Variants in VTI1A observed in about 807,000 individuals in gnomAD.
VTI1A encodes vesicle transport through interaction with t-SNAREs homolog 1A.
VTI1A carries 22 observed loss-of-function variants against 34.9 expected under a neutral mutation model. The observed-to-expected ratio is 0.63, with a 90% CI of 0.45 to 0.90. The LOEUF (loss-of-function observed/expected upper bound fraction) is 0.90, where lower values mean the gene tolerates loss of function less well. VTI1A is among the 40% of genes least tolerant of loss of function. The pLI is 0.00. For synonymous variants in VTI1A, 87 were observed against 97.3 expected, an observed-to-expected ratio of 0.89 and a Z score of 0.62; for missense variants, 268 against 275.6, an observed-to-expected ratio of 0.97 and a Z score of 0.20.
intron 3 of VTI1A, among the ~76,000 whole-genome samples, chr10:112,492,848 C>G (rs190747010): frequency 5.1e-4 from 77 of 151,154 alleles, no homozygotes; most frequent in African/African-American, 1.7e-3. Context: ...TATAAATATA[C>G]AATTCAGTGA....
At chr10:112,804,676 C>T (rs916346332) in intron 7 of VTI1A, among the ~76,000 whole-genome samples, 1 of 152,018 alleles carries the variant, frequency 6.6e-6, no homozygotes, top group Non-Finnish European at 1.5e-5. Context: ...AGGCTTCTGT[C>T]ATTCATTGAT....
intron 5 of VTI1A, among the ~76,000 whole-genome samples, chr10:112,555,917 T>C (rs1014291450): frequency 6.6e-6 from 1 of 152,050 alleles, no homozygotes; most frequent in African/African-American, 2.4e-5. Context: ...AGATTCATAC[T>C]ATACAGAAAA....
chr10:112,814,545 G>A (rs1421842080), intron 7 of VTI1A, among the ~76,000 whole-genome samples: 3 of 152,074 alleles, frequency 2.0e-5, no homozygotes, highest in Non-Finnish European at 4.4e-5. Flanking sequence ...CTCCACTCTG[G>A]TCCCCCTTCT....
chr10:112,466,672 T>C (rs531232468), intron 3 of VTI1A, among the ~76,000 whole-genome samples: 25 of 152,308 alleles, frequency 1.6e-4, no homozygotes, highest in Admixed American at 1.4e-3. Flanking sequence ...ATAAAGATTG[T>C]TTTAGCTTGC....
At chr10:112,787,704 T>G (rs1219912762) in intron 7 of VTI1A, among the ~76,000 whole-genome samples, 2 of 136,090 alleles carry the variant, frequency 1.5e-5, no homozygotes, top group Non-Finnish European at 3.3e-5. Context: ...TTTTCTTTTT[T>G]TTTTTTTTTT....
intron 7 of VTI1A, among the ~76,000 whole-genome samples, chr10:112,688,793 C>T (rs1372064545): frequency 6.6e-6 from 1 of 152,118 alleles, no homozygotes; most frequent in African/African-American, 2.4e-5. Flanking sequence ...CCCACCTCAG[C>T]CTCCCAAAGT....
intron 5 of VTI1A, among the ~76,000 whole-genome samples, chr10:112,547,935 C>A (rs915524594): frequency 5.3e-5 from 8 of 151,544 alleles, no homozygotes; most frequent in Non-Finnish European, 8.8e-5. Context: ...TACTTTTTTT[C>A]TTTTTTCTCT....
the VTI1A span, among the ~76,000 whole-genome samples, chr10:112,828,645 T>C: frequency 6.6e-6 from 1 of 151,916 alleles, no homozygotes; most frequent in African/African-American, 2.4e-5. Flanking sequence ...GACCTCATGA[T>C]CAACCCGCCT....
intron 7 of VTI1A, among the ~76,000 whole-genome samples, chr10:112,764,332 G>A (rs1455172229): frequency 6.6e-6 from 1 of 152,180 alleles, no homozygotes; most frequent in East Asian, 1.9e-4. Context: ...TGGAAATGGA[G>A]GAGACTTGCG....
intron 3 of VTI1A, among the ~76,000 whole-genome samples, chr10:112,514,773 CA>C (rs1330893687): frequency 3.3e-5 from 5 of 151,940 alleles, no homozygotes; most frequent in Non-Finnish European, 7.4e-5. Context: ...TACTATTTAA[CA>C]AAATGTAGCG....
chr10:112,587,304 AGT>A (rs1177027500), intron 5 of VTI1A, among the ~76,000 whole-genome samples: 1 of 152,170 alleles, frequency 6.6e-6, no homozygotes, highest in Non-Finnish European at 1.5e-5. Flanking sequence ...CTACTGTTGC[AGT>A]AGTTAGTCAC....
intron 5 of VTI1A, among the ~76,000 whole-genome samples, chr10:112,583,162 G>A (rs528898981): frequency 4.6e-5 from 7 of 152,296 alleles, no homozygotes; most frequent in South Asian, 4.1e-4. Flanking sequence ...AGCTCAACTC[G>A]TACTTTCATG....
intron 7 of VTI1A, among the ~76,000 whole-genome samples, chr10:112,788,716 T>C (rs1436756604): frequency 6.6e-6 from 1 of 152,204 alleles, no homozygotes; most frequent in African/African-American, 2.4e-5. Flanking sequence ...CTATTTGTTT[T>C]CTATATTCCT....
intron 5 of VTI1A, among the ~76,000 whole-genome samples, chr10:112,651,889 A>G (rs1390345371): frequency 6.6e-6 from 1 of 152,192 alleles, no homozygotes; most frequent in Non-Finnish European, 1.5e-5. Context: ...AAAGGCTACT[A>G]CTTGGTATAT....
At chr10:112,556,801 G>T (rs776958285) in intron 5 of VTI1A, among the ~76,000 whole-genome samples, 4 of 151,912 alleles carry the variant, frequency 2.6e-5, no homozygotes, top group South Asian at 2.1e-4. Flanking sequence ...AGACCAAAAG[G>T]CCTGTAGAAA....
intron 7 of VTI1A, among the ~76,000 whole-genome samples, chr10:112,786,792 G>C (rs1400653703): frequency 6.6e-6 from 1 of 152,138 alleles, no homozygotes; most frequent in African/African-American, 2.4e-5. Context: ...GTCCCACTTG[G>C]TCATGATATC....
chr10:112,495,895 G>T (rs1029615516), intron 3 of VTI1A, among the ~76,000 whole-genome samples: 2 of 152,148 alleles, frequency 1.3e-5, no homozygotes, highest in African/African-American at 4.8e-5. Context: ...CTACAGAAGA[G>T]ACTATTTCAA....
intron 5 of VTI1A, among the ~76,000 whole-genome samples, chr10:112,641,226 C>G (rs1204408486): frequency 2.0e-5 from 3 of 152,076 alleles, no homozygotes; most frequent in Admixed American, 6.6e-5. Flanking sequence ...TCATGCAGTT[C>G]GAAAGCCTTT....
At chr10:112,643,271 T>G (rs770273244) in intron 5 of VTI1A, among the ~76,000 whole-genome samples, 5 of 151,592 alleles carry the variant, frequency 3.3e-5, no homozygotes, top group Non-Finnish European at 7.4e-5. Flanking sequence ...AGTGCTGGGA[T>G]TACAGGTGTG....
Sources: gnomAD v4.1 joint callset for allele counts (sites outside exome capture counted in the v4.1 genomes callset) on GRCh38, gnomAD v4.1.1 for gene constraint, MANE v1.5 for transcripts, NCBI Gene and HGNC (gene_info 2026-07-23, HGNC 2026-07-21) for gene names.